The following ATP1B3 variants were observed in gnomAD, a reference collection of about 807,000 sequenced individuals.
The protein encoded by ATP1B3 is ATPase Na+/K+ transporting subunit beta 3.
In ATP1B3, 10 loss-of-function variants were observed where a neutral mutation model predicts 30.2. The observed-to-expected ratio is 0.33, with a 90% CI of 0.20 to 0.56. The LOEUF is 0.56. ATP1B3 is among the 20% of genes least tolerant of loss of function. ATP1B3 has a pLI of 0.90. For synonymous variants in ATP1B3, 113 were observed against 117.0 expected, an observed-to-expected ratio of 0.97 and a Z score of 0.22; for missense variants, 238 against 336.7, an observed-to-expected ratio of 0.71 and a Z score of 2.29.
intron 3 of ATP1B3, among the ~76,000 whole-genome samples, chr3:141,912,762 C>T (rs937837597): frequency 5.9e-5 from 9 of 152,166 alleles, no homozygotes; most frequent in African/African-American, 1.2e-4. Context: ...GTGCCAAGTA[C>T]GGAGCAGAAT....
intron 1 of ATP1B3, among the ~76,000 whole-genome samples, chr3:141,899,075 C>G (rs1335015890): frequency 1.3e-5 from 2 of 151,924 alleles, no homozygotes; most frequent in Non-Finnish European, 2.9e-5. Flanking sequence ...GAACTGGGTG[C>G]AGGGAGGGAG....
chr3:141,882,262 C>T (rs1265004819), intron 1 of ATP1B3, among the ~76,000 whole-genome samples: 3 of 152,190 alleles, frequency 2.0e-5, no homozygotes, highest in African/African-American at 4.8e-5. Flanking sequence ...TCTAATTTTG[C>T]ATTCATTCTG....
chr3:141,880,845 A>G (rs549160439), intron 1 of ATP1B3, among the ~76,000 whole-genome samples: 21 of 152,288 alleles, frequency 1.4e-4, no homozygotes, highest in African/African-American at 4.6e-4. Flanking sequence ...TGATTTGCCA[A>G]AATTCACTCA....
At chr3:141,900,830 C>T (rs1475614435) in intron 1 of ATP1B3, among the ~76,000 whole-genome samples, 1 of 152,020 alleles carries the variant, frequency 6.6e-6, no homozygotes, top group Non-Finnish European at 1.5e-5. Context: ...TCACCCAGGT[C>T]GGAGTGCAGT....
At chr3:141,922,718 C>A (rs1213284972) in intron 6 of ATP1B3, among the ~76,000 whole-genome samples, 1 of 152,144 alleles carries the variant, frequency 6.6e-6, no homozygotes, top group Non-Finnish European at 1.5e-5. Context: ...GTAATCCCAG[C>A]ACTTTGGGAG....
intron 6 of ATP1B3, among the ~76,000 whole-genome samples, chr3:141,925,206 C>T (rs1358191575): frequency 6.6e-6 from 1 of 151,996 alleles, no homozygotes; most frequent in Non-Finnish European, 1.5e-5. Context: ...GTGGCTCACA[C>T]CTGTAATCCC....
At chr3:141,898,162 A>G (rs969147653) in intron 1 of ATP1B3, among the ~76,000 whole-genome samples, 26 of 152,236 alleles carry the variant, frequency 1.7e-4, no homozygotes, top group Admixed American at 8.5e-4. Context: ...CTTAGAAGTA[A>G]ACATAGATGC....
In ATP1B3 at chr3:141,890,285, C is replaced by CTTTTTTTTTTT. The variant is rs775182342; in HGVS notation, c.110-13310_110-13300dup. On this transcript the variant is annotated intron_variant, in intron 1 of 6. Coordinates refer to ENST00000286371, the MANE Select transcript of ATP1B3 (RefSeq NM_001679.4). ...TTTGTTTGTTTGTTTTTTTGTGGGG[C>CTTTTTTTTTTT]TTTTTTTTTTTTTTTTTTTTTTTTT... Among the ~76,000 whole-genome samples, 7 of 28,554 alleles carry CTTTTTTTTTTT rather than the reference C, an allele frequency of 2.5e-4. 2 individuals carry two copies. Among genetic ancestry groups the CTTTTTTTTTTT allele is most frequent in the South Asian group, 1.8e-3 (1 of 542 alleles). 18.7% of individuals were successfully genotyped at this position (28,554 alleles called of 152,430 possible). A position where few individuals can be genotyped will look rare whatever the true frequency, so the allele number is the denominator to read the frequency against.
Position 141,876,891 on chromosome 3 carries a change from G to C in ATP1B3, c.90G>C (p.Gly30=). The change falls in exon 1 of 7, where the codon GGG becomes GGC. Residue 30 remains glycine, a synonymous_variant. Coordinates refer to ENST00000286371, the MANE Select transcript of ATP1B3 (RefSeq NM_001679.4). ...ACCCGACCACCGGAGAATTCCTGGGGCGCACCGCCAAGAGCTGGGGTGAGC... is the reference window on the plus strand; with the variant it reads ...ACCCGACCACCGGAGAATTCCTGGGCCGCACCGCCAAGAGCTGGGGTGAGC... The part of the protein sequence containing the change: ...IYNPTTGEFL[G]RTAKSWGLIL... The C allele has an allele frequency of 6.3e-7, 1 of 1,581,608 alleles. No individual in the cohort carries two copies. The highest frequency in any genetic ancestry group is 8.6e-7 in the Non-Finnish European group (1 of 1,164,352).
At chr3:141,924,891 T>C (rs1343902955) in intron 6 of ATP1B3, among the ~76,000 whole-genome samples, 1 of 152,072 alleles carries the variant, frequency 6.6e-6, no homozygotes, top group Non-Finnish European at 1.5e-5. Flanking sequence ...AGTCAGAGGT[T>C]GCAGTGAGCC....
chr3:141,883,084 T>G (rs899437209), intron 1 of ATP1B3, among the ~76,000 whole-genome samples: 1 of 152,196 alleles, frequency 6.6e-6, no homozygotes, highest in Non-Finnish European at 1.5e-5. Flanking sequence ...TCCTACTCCT[T>G]CTGGGCTGTT....
At chr3:141,921,703 A>G (rs1425944695) in intron 5 of ATP1B3, 3 of 215,898 alleles carry the variant, frequency 1.4e-5, no homozygotes, top group Admixed American at 6.3e-5. Context: ...ACAGGAGTAC[A>G]TGAGTTAAAG....
chr3:141,889,496 G>T (rs944770969), intron 1 of ATP1B3, among the ~76,000 whole-genome samples: 1 of 151,786 alleles, frequency 6.6e-6, no homozygotes, highest in South Asian at 2.1e-4. Context: ...TTGGGAGGCC[G>T]AGGCAGGCGG....
intron 3 of ATP1B3, among the ~76,000 whole-genome samples, chr3:141,911,863 C>T (rs371042714): frequency 9.9e-5 from 15 of 152,250 alleles, no homozygotes; most frequent in African/African-American, 3.6e-4. Context: ...GGTCAGTGAC[C>T]TTTCTATGTT....
intron 1 of ATP1B3, among the ~76,000 whole-genome samples, chr3:141,887,604 T>A (rs1271887228): frequency 6.6e-6 from 1 of 152,212 alleles, no homozygotes; most frequent in Non-Finnish European, 1.5e-5. Context: ...AAAATGCTCT[T>A]GTACAAAAAT....
intron 1 of ATP1B3, among the ~76,000 whole-genome samples, chr3:141,900,882 A>C (rs1934149231): frequency 6.6e-6 from 1 of 152,116 alleles, no homozygotes; most frequent in African/African-American, 2.4e-5. Context: ...TCCTGGGTTC[A>C]AGCAATTCTC....
chr3:141,914,344 C>T (rs931690218), intron 4 of ATP1B3, among the ~76,000 whole-genome samples: 66 of 152,110 alleles, frequency 4.3e-4, no homozygotes, highest in African/African-American at 1.5e-3. Flanking sequence ...CCCATTCTAA[C>T]GAGTTCAGTG....
At chr3:141,893,429 C>T (rs1390290247) in intron 1 of ATP1B3, among the ~76,000 whole-genome samples, 1 of 152,052 alleles carries the variant, frequency 6.6e-6, no homozygotes, top group Non-Finnish European at 1.5e-5. Context: ...AGTTCTTGCC[C>T]CACCCTCTTT....
intron 4 of ATP1B3, 139 bp downstream of exon 4, chr3:141,913,975 C>T: frequency 1.3e-6 from 1 of 768,030 alleles, no homozygotes. Context: ...GCTTTAAAGA[C>T]TAGCAGTAAT....
Sources: allele counts gnomAD v4.1 joint callset (sites outside exome capture counted in the v4.1 genomes callset), GRCh38; gene constraint gnomAD v4.1.1; transcripts MANE v1.5; gene names NCBI Gene and HGNC (gene_info 2026-07-23, HGNC 2026-07-21).